RGS12: variants seen among roughly 807,000 people sequenced by gnomAD.
RGS12 encodes the protein regulator of G protein signaling 12, also known as regulator of G-protein signaling 12.
In RGS12, 66 loss-of-function variants were observed where a neutral mutation model predicts 120.1. The observed-to-expected ratio is 0.55, with a 90% CI of 0.45 to 0.67. The LOEUF (loss-of-function observed/expected upper bound fraction) is 0.67. RGS12 is among the 30% of genes least tolerant of loss of function. The pLI is 0.00. For missense variants in RGS12, 1,859 were observed against 1,957.7 expected, an observed-to-expected ratio of 0.95 and a Z score of 0.95; for synonymous variants, 827 against 804.7, an observed-to-expected ratio of 1.03 and a Z score of -0.47.
At position 3,417,788 on chromosome 4, in the gene RGS12, G is replaced by C. The variant is rs1722573305; in HGVS notation, c.2761+247G>C. 1.4e-5 allele frequency: 7 copies of C among 499,826 alleles called. No individual in the cohort carries two copies. The East Asian group carries it at 2.3e-4, about 16-fold the overall frequency. The allele number at this position is 499,826 out of a possible 1,614,324, so 31.0% of individuals were successfully genotyped here. ...AGAGAAAAGGGCTCAATACATTTCA[G>C]CCCATGCCTACCTCAGGCCTACCCC... On this transcript the variant is annotated intron_variant, in intron 9 of 17. Coordinates refer to ENST00000336727, the MANE Select transcript of RGS12 (RefSeq NM_001394154.1).
At chr4:3,320,329 A>G (rs970999398) in intron 2 of RGS12, among the ~76,000 whole-genome samples, 2 of 152,206 alleles carry the variant, frequency 1.3e-5, no homozygotes, top group African/African-American at 4.8e-5. Context: ...GCTTCTTTGC[A>G]GTGAAGATGA....
At chr4:3,335,524 G>C (rs555106782) in intron 2 of RGS12, among the ~76,000 whole-genome samples, 1 of 152,124 alleles carries the variant, frequency 6.6e-6, no homozygotes, top group Non-Finnish European at 1.5e-5. Context: ...TCTGTCCCCA[G>C]GGGCGCTCCC....
At chr4:3,396,934 G>A (rs766737005) in intron 4 of RGS12, among the ~76,000 whole-genome samples, 1 of 150,978 alleles carries the variant, frequency 6.6e-6, no homozygotes, top group African/African-American at 2.4e-5. Flanking sequence ...TTTAATTGCT[G>A]TAATTATACA....
chr4:3,318,017 A>G lies in RGS12; in HGVS notation c.1847A>G (p.His616Arg). 3.1e-6 allele frequency: 5 copies of G among 1,607,528 alleles called. No individual in the cohort carries two copies. The highest frequency in any genetic ancestry group is 1.7e-5 in the Admixed American group (1 of 59,454). The change falls in exon 2 of 18, where the codon CAT (histidine) becomes CGT (arginine). Residue 616 changes from histidine (H) to arginine (R), a missense_variant. His to Arg is a conservative substitution (Grantham distance 29). Transcript: ENST00000336727. ...GGAATGCAAAGCATTTTTGGTCCCC[A>G]TCGAAATGTTCGAAAGACTAAGGAA... ...AFGMQSIFGP[H>R]RNVRKTKEDK...
chr4:3,352,575 G>A (rs1228415455), intron 3 of RGS12, among the ~76,000 whole-genome samples: 1 of 152,190 alleles, frequency 6.6e-6, no homozygotes, highest in Non-Finnish European at 1.5e-5. Flanking sequence ...GGAAGTAGTG[G>A]AAGATAAAGG....
At chr4:3,363,102 A>C (rs114425769) in intron 3 of RGS12, among the ~76,000 whole-genome samples, 4,709 of 119,002 alleles carry the variant, frequency 0.04, 239 homozygotes, top group African/African-American at 0.13. Flanking sequence ...TGTGTATGTG[A>C]GTGTGTGTGT....
chr4:3,358,565 A>T (rs889523644), intron 3 of RGS12, among the ~76,000 whole-genome samples: 5 of 151,418 alleles, frequency 3.3e-5, no homozygotes, highest in African/African-American at 9.7e-5. Flanking sequence ...ATTTTGTGAA[A>T]TTTTTTTGCA....
At chr4:3,344,309 C>T (rs192551200) in intron 3 of RGS12, among the ~76,000 whole-genome samples, 10 of 152,240 alleles carry the variant, frequency 6.6e-5, no homozygotes, top group Admixed American at 6.5e-4. Flanking sequence ...GGGCGGGCAG[C>T]AATCAGAATC....
In RGS12 at chr4:3,414,106, C is replaced by T; in HGVS notation, c.2055C>T (p.Ser685=). 1 of 1,573,392 alleles carries T rather than the reference C, an allele frequency of 6.4e-7. No homozygotes were observed. The highest frequency in any genetic ancestry group is 8.6e-7 in the Non-Finnish European group (1 of 1,165,828). ...LTGADLKDCV[S]NNSLSSNASL... ...GCGCCGACCTGAAGGACTGCGTCAG[C>T]AACAACAGCCTGAGCAGCAATGCCA... is the stretch of plus-strand genomic sequence containing the variant. The change falls in exon 5 of 18, where the codon AGC becomes AGT. Residue 685 remains serine, a synonymous_variant. Coordinates refer to ENST00000336727, the MANE Select transcript of RGS12 (RefSeq NM_001394154.1).
chr4:3,414,594 C>T (rs769599293), intron 5 of RGS12, 158 bp from the exon 6 acceptor site: 10 of 635,910 alleles, frequency 1.6e-5, no homozygotes, highest in Non-Finnish European at 1.1e-5. Context: ...AGCAGCAGTG[C>T]GGTTCCCTAA....
intron 1 of RGS12, among the ~76,000 whole-genome samples, chr4:3,309,922 C>T (rs1281341706): frequency 1.0e-4 from 14 of 133,894 alleles, no homozygotes; most frequent in Non-Finnish European, 1.7e-4. Context: ...GGAGCTGGGA[C>T]CCTGGAATGG....
chr4:3,347,179 T>C (rs1713876061), intron 3 of RGS12, among the ~76,000 whole-genome samples: 1 of 152,220 alleles, frequency 6.6e-6, no homozygotes, highest in Non-Finnish European at 1.5e-5. Flanking sequence ...GCACGGTGGC[T>C]CACGCCTATA....
Position 3,430,756 on chromosome 4 carries a change from C to G in RGS12, c.3915C>G (p.Pro1305=), listed in dbSNP as rs369355059. Reference sequence around the variant, plus strand: ...GGCCCTTCTGCACTCCCCAGTCCCCCGTCTCCCTCGCGCAGGAGGGCACCG... The same window carrying G: ...GGCCCTTCTGCACTCCCCAGTCCCCGGTCTCCCTCGCGCAGGAGGGCACCG... ...PSGPFCTPQS[P]VSLAQEGTAQ... Residue 1305 remains proline (P), a synonymous_variant, in exon 17 of 18, where the codon CCC becomes CCG. Transcript: ENST00000336727. The G allele has an allele frequency of 1.2e-6, 2 of 1,608,812 alleles. No individual in the cohort carries two copies. Among genetic ancestry groups the G allele is most frequent in the Admixed American group, 3.3e-5 (2 of 59,754 alleles).
chr4:3,414,618 G>A (rs1386158481), intron 5 of RGS12, 134 bp from the exon 6 acceptor site: 5 of 691,190 alleles, frequency 7.2e-6, no homozygotes, highest in East Asian at 2.5e-5. Context: ...GCTGGGCAGC[G>A]ATGAGGTTTC....
intron 1 of RGS12, among the ~76,000 whole-genome samples, chr4:3,295,320 A>G (rs1030404427): frequency 6.6e-6 from 1 of 152,134 alleles, no homozygotes; most frequent in Non-Finnish European, 1.5e-5. Flanking sequence ...TATGTGGATC[A>G]CATTGACTTT....
Position 3,293,468 on chromosome 4 carries a change from G to T in RGS12, c.-102+369G>T, listed in dbSNP as rs114424534. 5.4e-3 allele frequency among the ~76,000 whole-genome samples: 814 copies of T among 151,418 alleles called. 5 individuals are homozygous for T. Among genetic ancestry groups the T allele is most frequent in the African/African-American group, 0.019 (782 of 41,482 alleles). Reference sequence around the variant, plus strand: ...GCGCCGGGCAGGGGGTCCCGCGGGCGAGATGCGCCCGGGAGCGCTGGGAGG... The same window carrying T: ...GCGCCGGGCAGGGGGTCCCGCGGGCTAGATGCGCCCGGGAGCGCTGGGAGG... On this transcript the variant is annotated intron_variant, in intron 1 of 17. Coordinates refer to ENST00000336727, the MANE Select transcript of RGS12 (RefSeq NM_001394154.1).
chr4:3,398,459 T>G (rs1012641105), intron 4 of RGS12, among the ~76,000 whole-genome samples: 8 of 152,126 alleles, frequency 5.3e-5, no homozygotes, highest in African/African-American at 1.9e-4. Flanking sequence ...ATAGTTTGAC[T>G]CCTTCTGAAA....
At chr4:3,360,473 G>A (rs2108839096) in intron 3 of RGS12, among the ~76,000 whole-genome samples, 1 of 150,614 alleles carries the variant, frequency 6.6e-6, no homozygotes, top group South Asian at 2.1e-4. Context: ...TTGTTGATTT[G>A]AGATCTTTTA....
chr4:3,433,367 A>C lies in RGS12; in HGVS notation c.4114+2412A>C, dbSNP rs1315654218. 6.6e-6 allele frequency among the ~76,000 whole-genome samples: 1 copy of C among 152,198 alleles called. No individual in the cohort carries two copies. The highest frequency in any genetic ancestry group is 1.5e-5 in the Non-Finnish European group (1 of 68,018). On this transcript the variant is annotated intron_variant, in intron 17 of 17. Coordinates refer to ENST00000336727, the MANE Select transcript of RGS12 (RefSeq NM_001394154.1). The surrounding 1 kb of genome is among the most constrained non-coding windows in gnomAD (Gnocchi z 4.4). ...CGGCTACGCGTGGGGGCTGCCAGCA[A>C]CAGCCTTGAGGTAGGGGGAGTCTCC...
Sources: allele counts gnomAD v4.1 joint callset (sites outside exome capture counted in the v4.1 genomes callset), GRCh38; gene constraint gnomAD v4.1.1; non-coding constraint Gnocchi (gnomAD v3.1); transcripts MANE v1.5; gene names NCBI Gene and HGNC (gene_info 2026-07-23, HGNC 2026-07-21).